Variants in NBAS observed in about 807,000 individuals in gnomAD.
NBAS encodes NAG/BC035112 fusion.
Under a neutral mutation model 302.5 loss-of-function variants are expected in NBAS, and 219 were observed. The observed-to-expected ratio is 0.72, with a 90% CI of 0.65 to 0.81. NBAS has a LOEUF of 0.81. Among genes scored for constraint, NBAS ranks in the 30% least tolerant of loss-of-function variants. NBAS has a pLI of 0.00. For missense variants in NBAS, 2,932 were observed against 2,841.6 expected (o/e 1.03, Z -0.72); for synonymous variants, 1,118 against 1,021.6 (o/e 1.09, Z -1.80).
intron 32 of NBAS, among the ~76,000 whole-genome samples, chr2:15,362,433 A>G (rs927409421): frequency 1.3e-5 from 2 of 152,176 alleles, no homozygotes; most frequent in African/African-American, 4.8e-5. Flanking sequence ...CCCTGAGCCC[A>G]GGAGTTCAAG....
chr2:14,847,445 T>A, the NBAS span, among the ~76,000 whole-genome samples: 2 of 141,206 alleles, frequency 1.4e-5, no homozygotes, highest in Non-Finnish European at 3.1e-5. Flanking sequence ...GAAAATGATA[T>A]TCCATACCAA....
intron 48 of NBAS, among the ~76,000 whole-genome samples, chr2:15,213,711 C>T (rs897931229): frequency 6.6e-6 from 1 of 152,136 alleles, no homozygotes; most frequent in Admixed American, 6.6e-5. Flanking sequence ...GATTAGCGTG[C>T]ACATAGTACA....
intron 28 of NBAS, among the ~76,000 whole-genome samples, chr2:15,384,647 G>A (rs1250786906): frequency 6.6e-6 from 1 of 151,454 alleles, no homozygotes; most frequent in Non-Finnish European, 1.5e-5. Flanking sequence ...TTTCTAGTAG[G>A]AGAGACAATA....
chr2:15,021,768 C>T, the NBAS span, among the ~76,000 whole-genome samples: 3 of 152,182 alleles, frequency 2.0e-5, no homozygotes, highest in Admixed American at 2.0e-4. Context: ...GTTGGAAACA[C>T]CAGATTCCCA....
intron 44 of NBAS, among the ~76,000 whole-genome samples, chr2:15,254,968 A>G (rs1316201132): frequency 1.3e-5 from 2 of 151,836 alleles, no homozygotes; most frequent in Non-Finnish European, 2.9e-5. Flanking sequence ...TTGTTGGCTG[A>G]TGGGCATTTT....
intron 21 of NBAS, among the ~76,000 whole-genome samples, chr2:15,457,700 A>G (rs1679313807): frequency 6.6e-6 from 1 of 152,214 alleles, no homozygotes; most frequent in Non-Finnish European, 1.5e-5. Flanking sequence ...AAAGTGGAGG[A>G]AAGCACTCAT....
At chr2:15,150,255 T>C in the NBAS span, among the ~76,000 whole-genome samples, 3 of 152,172 alleles carry the variant, frequency 2.0e-5, no homozygotes, top group Non-Finnish European at 4.4e-5. Context: ...CTTTGGACTA[T>C]GGAAAAATTC....
At chr2:15,528,027 C>A (rs186094251) in intron 9 of NBAS, among the ~76,000 whole-genome samples, 103 of 152,250 alleles carry the variant, frequency 6.8e-4, no homozygotes, top group African/African-American at 2.4e-3. Context: ...CCTGCCCTTC[C>A]CATGTCCTAT....
chr2:15,557,395 G>T (rs10196432), intron 2 of NBAS, among the ~76,000 whole-genome samples: 2 of 152,090 alleles, frequency 1.3e-5, no homozygotes, highest in African/African-American at 4.8e-5. Flanking sequence ...TAGGTGGTAT[G>T]AGGACAAATT....
chr2:15,298,554 G>A (rs1194383383), intron 40 of NBAS, among the ~76,000 whole-genome samples: 1 of 152,100 alleles, frequency 6.6e-6, no homozygotes, highest in Non-Finnish European at 1.5e-5. Context: ...AGCTCCCTAT[G>A]CAAATTATTT....
the NBAS span, among the ~76,000 whole-genome samples, chr2:15,095,730 A>T: frequency 2.0e-5 from 3 of 152,130 alleles, no homozygotes; most frequent in African/African-American, 7.2e-5. Context: ...CACATTAAAC[A>T]TGTCCCATTG....
intron 9 of NBAS, among the ~76,000 whole-genome samples, chr2:15,519,501 G>A (rs941006860): frequency 1.1e-4 from 16 of 151,482 alleles, no homozygotes; most frequent in African/African-American, 3.4e-4. Context: ...CAATGGTGGC[G>A]CAGTCACAGC....
At chr2:15,357,901 C>G (rs1192628976) in intron 32 of NBAS, among the ~76,000 whole-genome samples, 1 of 152,070 alleles carries the variant, frequency 6.6e-6, no homozygotes, top group African/African-American at 2.4e-5. Context: ...AACCACTAAC[C>G]CTGGGGCTTT....
At chr2:15,218,278 G>A (rs1266964920) in intron 48 of NBAS, among the ~76,000 whole-genome samples, 1 of 152,098 alleles carries the variant, frequency 6.6e-6, no homozygotes, top group Non-Finnish European at 1.5e-5. Flanking sequence ...GCATGTTCAA[G>A]CTTATGGAAA....
At chr2:15,530,316 A>G (rs569330277) in intron 9 of NBAS, among the ~76,000 whole-genome samples, 1 of 152,210 alleles carries the variant, frequency 6.6e-6, no homozygotes, top group African/African-American at 2.4e-5. Flanking sequence ...CTCTTTCCTT[A>G]AGAAAGATTT....
chr2:15,188,029 C>T (rs781362873), intron 49 of NBAS, among the ~76,000 whole-genome samples: 8 of 152,204 alleles, frequency 5.3e-5, no homozygotes, highest in Non-Finnish European at 2.9e-5. Flanking sequence ...CTGAACTCAG[C>T]TCTCCTGGGT....
chr2:15,141,332 A>C, the NBAS span, among the ~76,000 whole-genome samples: 1 of 152,320 alleles, frequency 6.6e-6, no homozygotes, highest in African/African-American at 2.4e-5. Context: ...TCACACACAC[A>C]CTAGCTCATT....
At chr2:15,173,810 C>T (rs976173417) in intron 51 of NBAS, among the ~76,000 whole-genome samples, 2 of 152,230 alleles carry the variant, frequency 1.3e-5, no homozygotes, top group Non-Finnish European at 2.9e-5. Flanking sequence ...TAGTTCCACA[C>T]GCTGTACCTA....
intron 40 of NBAS, 29 bp from the exon 41 acceptor site, chr2:15,292,795 T>C (rs766104326): frequency 6.2e-7 from 1 of 1,602,676 alleles, no homozygotes; most frequent in Admixed American, 1.7e-5. Flanking sequence ...AGAAGACATT[T>C]TACCAACATC....
Sources: allele counts gnomAD v4.1 joint callset (sites outside exome capture counted in the v4.1 genomes callset), GRCh38; gene constraint gnomAD v4.1.1; transcripts MANE v1.5; gene names NCBI Gene and HGNC (gene_info 2026-07-23, HGNC 2026-07-21).